NAV3: variants seen among roughly 807,000 people sequenced by gnomAD.
NAV3 encodes pore membrane and/or filament interacting like protein 1.
Under a neutral mutation model 244.7 loss-of-function variants are expected in NAV3, and 87 were observed. The ratio of observed to expected loss-of-function variants is 0.36; its 90% confidence interval spans 0.30 to 0.42. NAV3 has a LOEUF of 0.42. Among genes scored for constraint, NAV3 ranks in the 20% least tolerant of loss-of-function variants. The pLI is 1.00. For synonymous variants in NAV3, 1,126 were observed against 1,042.2 expected (o/e 1.08, Z -1.55); for missense variants, 2,663 against 2,893.3 (o/e 0.92, Z 1.83).
At chr12:77,755,394 G>A (rs1239411553) in intron 2 of NAV3, among the ~76,000 whole-genome samples, 4 of 152,078 alleles carry the variant, frequency 2.6e-5, no homozygotes, top group Non-Finnish European at 5.9e-5. Context: ...GTGTGCTGGG[G>A]ATACCAGGGA....
chr12:78,099,717 T>C (rs566165882), intron 12 of NAV3, among the ~76,000 whole-genome samples: 1 of 152,000 alleles, frequency 6.6e-6, no homozygotes, highest in Non-Finnish European at 1.5e-5. Context: ...AAACCAACCA[T>C]CATGAGGATT....
rs2137252254 is a variant in NAV3, at chr12:78,050,918, T to A, written c.2287T>A (p.Tyr763Asn). The change falls in exon 11 of 40, where the codon TAT becomes AAT. Residue 763 changes from tyrosine to asparagine, a missense_variant. Tyr to Asn is a moderately radical substitution (Grantham distance 143, BLOSUM62 -2). This residue lies in a region of NAV3 where 1,521 missense variants were observed against 1,497.0 expected (regional missense o/e 1.02). Transcript: ENST00000397909. ...AGDAPSLGAG[Y>N]PRSGTSRFIH... ...AGATGCTCCCTCCCTGGGTGCTGGCTATCCTCGCAGTGGTACCAGTCGATT... is the reference window on the plus strand; with the variant it reads ...AGATGCTCCCTCCCTGGGTGCTGGCAATCCTCGCAGTGGTACCAGTCGATT... 6.2e-7 allele frequency: 1 copy of A among 1,614,092 alleles called. No individual in the cohort carries two copies. Among genetic ancestry groups the A allele is most frequent in the African/African-American group, 1.3e-5 (1 of 75,064 alleles).
chr12:77,627,162 A>T (rs1317214625), intron 2 of NAV3, among the ~76,000 whole-genome samples: 1 of 152,152 alleles, frequency 6.6e-6, no homozygotes, highest in African/African-American at 2.4e-5. Context: ...CCCTGCAAAG[A>T]TACACATTGA....
chr12:78,007,422 G>T lies in NAV3; in HGVS notation c.1884G>T (p.Ala628=). The T allele has an allele frequency of 1.2e-6, 2 of 1,613,816 alleles. No homozygotes were observed. The highest frequency in any genetic ancestry group is 2.2e-5 in the South Asian group (2 of 91,050). The change falls in exon 8 of 40, where the codon GCG becomes GCT. Residue 628 remains alanine (A), a synonymous_variant. Transcript: ENST00000397909. ...AGCAACATAGCCACCCGAATACCGC[G>T]ACAGTGGCACCATTCATTTACAGGT... The part of the protein sequence containing the change: ...QQQQHSHPNT[A]TVAPFIYRAH...
chr12:78,178,160 GTTTT>G (rs3054763), intron 28 of NAV3, among the ~76,000 whole-genome samples: 3 of 120,556 alleles, frequency 2.5e-5, no homozygotes, highest in Admixed American at 8.8e-5. Flanking sequence ...TCAAAATAGT[GTTTT>G]TTTTTTTTTT....
chr12:78,062,721 C>CTAA (rs1884490990), intron 12 of NAV3, among the ~76,000 whole-genome samples: 1 of 152,092 alleles, frequency 6.6e-6, no homozygotes, highest in African/African-American at 2.4e-5. Flanking sequence ...AATCATGCAG[C>CTAA]TAATAGTACA....
intron 20 of NAV3, 94 bp downstream of exon 20, chr12:78,140,428 A>G (rs1425440045): frequency 2.7e-6 from 3 of 1,113,234 alleles, no homozygotes; most frequent in Non-Finnish European, 4.1e-6. Context: ...ACATTCATCT[A>G]TGACTTGCAC....
chr12:77,666,209 G>T (rs543616394), intron 2 of NAV3, among the ~76,000 whole-genome samples: 7 of 145,756 alleles, frequency 4.8e-5, no homozygotes, highest in African/African-American at 1.8e-4. Flanking sequence ...GTCTAGTCAG[G>T]GGTCTCTCTA....
intron 2 of NAV3, among the ~76,000 whole-genome samples, chr12:77,824,626 C>T (rs1872891846): frequency 6.6e-6 from 1 of 151,934 alleles, no homozygotes; most frequent in Admixed American, 6.6e-5. Flanking sequence ...GGTGCAGTGG[C>T]TAACACCTGT....
chr12:77,787,854 A>G (rs555387867), intron 2 of NAV3, among the ~76,000 whole-genome samples: 12 of 152,372 alleles, frequency 7.9e-5, no homozygotes, highest in African/African-American at 2.9e-4. Context: ...AAATATGTAC[A>G]TTTCAAAATT....
intron 12 of NAV3, among the ~76,000 whole-genome samples, chr12:78,093,093 C>A (rs1954051245): frequency 6.6e-6 from 1 of 152,110 alleles, no homozygotes; most frequent in Non-Finnish European, 1.5e-5. Flanking sequence ...TAGCAAATTC[C>A]TGAAGTATGA....
At chr12:78,186,176 A>G (rs1296847519) in intron 31 of NAV3, among the ~76,000 whole-genome samples, 1 of 151,888 alleles carries the variant, frequency 6.6e-6, no homozygotes, top group East Asian at 1.9e-4. Flanking sequence ...TATTTAAGCA[A>G]GGTCCTAGAT....
Position 77,968,650 on chromosome 12 carries a change from T to A in NAV3, c.619T>A (p.Ser207Thr), listed in dbSNP as rs1892720487. The A allele has an allele frequency of 1.9e-6, 3 of 1,614,072 alleles. No homozygotes were observed. The highest frequency in any genetic ancestry group is 2.5e-6 in the Non-Finnish European group (3 of 1,179,980). ...VELQQRVTHA[S>T]PPSEASQAKT... is the part of the protein sequence containing the mutation. ...ACTTCAGCAGCGAGTTACTCACGCTTCCCCTCCATCGGAAGCCAGCCAGGC... is the reference window on the plus strand; with the variant it reads ...ACTTCAGCAGCGAGTTACTCACGCTACCCCTCCATCGGAAGCCAGCCAGGC... The change falls in exon 5 of 40, where the codon TCC becomes ACC. Residue 207 changes from serine to threonine, a missense_variant. Ser to Thr is a moderately conservative substitution (Grantham distance 58). Coordinates refer to ENST00000397909, the MANE Select transcript of NAV3 (RefSeq NM_001024383.2).
chr12:77,798,239 GT>G (rs1326800536), intron 2 of NAV3, among the ~76,000 whole-genome samples: 1 of 152,078 alleles, frequency 6.6e-6, no homozygotes, highest in Non-Finnish European at 1.5e-5. Context: ...TGTTTGATGA[GT>G]GAGAAAGAAG....
intron 2 of NAV3, among the ~76,000 whole-genome samples, chr12:77,746,117 T>G (rs528662378): frequency 6.6e-6 from 1 of 151,912 alleles, no homozygotes; most frequent in Admixed American, 6.6e-5. Context: ...AAAAAAAATC[T>G]CTAGTATGGT....
At chr12:78,164,682 C>A (rs976563255) in intron 23 of NAV3, among the ~76,000 whole-genome samples, 16 of 151,872 alleles carry the variant, frequency 1.1e-4, no homozygotes, top group Non-Finnish European at 2.2e-4. Flanking sequence ...TAGGGATGGC[C>A]AGGTTATTTC....
At chr12:77,645,961 A>AG (rs1872591257) in intron 2 of NAV3, among the ~76,000 whole-genome samples, 1 of 152,134 alleles carries the variant, frequency 6.6e-6, no homozygotes, top group South Asian at 2.1e-4. Flanking sequence ...AGTGGAATTG[A>AG]GGGGTGACCT....
chr12:78,181,422 T>G (rs1958494349), intron 30 of NAV3, among the ~76,000 whole-genome samples: 1 of 152,070 alleles, frequency 6.6e-6, no homozygotes, highest in Admixed American at 6.6e-5. Context: ...GCAGGCTTTA[T>G]TTTCTAAATC....
intron 1 of NAV3, among the ~76,000 whole-genome samples, chr12:77,857,991 T>C (rs1482940323): frequency 2.0e-5 from 3 of 152,058 alleles, no homozygotes; most frequent in East Asian, 3.8e-4. Flanking sequence ...ATGCTATCCA[T>C]GCAATTTGCC....
Sources: allele counts gnomAD v4.1 joint callset (sites outside exome capture counted in the v4.1 genomes callset), GRCh38; gene constraint gnomAD v4.1.1; regional missense constraint gnomAD v4.1.1; transcripts MANE v1.5; gene names NCBI Gene and HGNC (gene_info 2026-07-23, HGNC 2026-07-21).